Variants in PCDHA8 observed in about 807,000 individuals in gnomAD.
PCDHA8 encodes the protein protocadherin alpha-8.
In PCDHA8, 53 loss-of-function variants were observed where a neutral mutation model predicts 61.8. The ratio of observed to expected loss-of-function variants is 0.86; its 90% CI spans 0.69 to 1.08. PCDHA8 has a LOEUF of 1.08. PCDHA8 is among the 50% of genes least tolerant of loss of function. The pLI is 0.00. For missense variants in PCDHA8, 1,293 were observed against 1,245.0 expected, an observed-to-expected ratio of 1.04 and a Z score of -0.58; for synonymous variants, 618 against 556.6, an observed-to-expected ratio of 1.11 and a Z score of -1.55.
chr5:140,973,390 AATC>A (rs1554235235), intron 1 of PCDHA8, among the ~76,000 whole-genome samples: 1 of 152,224 alleles, frequency 6.6e-6, no homozygotes, highest in East Asian at 1.9e-4. Context: ...TAGACAAAGA[AATC>A]ATATCTATGA....
chr5:140,846,457 C>T lies in PCDHA8; in HGVS notation c.2394+2742C>T, dbSNP rs111351744. Among the ~76,000 whole-genome samples the T allele has an allele frequency of 5.2e-3, 745 of 144,004 alleles. 43 individuals carry two copies. The highest frequency in any genetic ancestry group is 0.018 in the African/African-American group (687 of 39,152). 94.5% of individuals were successfully genotyped at this position (144,004 alleles called of 152,430 possible). On this transcript the variant is annotated intron_variant, in intron 1 of 3. Coordinates refer to ENST00000531613, the MANE Select transcript of PCDHA8 (RefSeq NM_018911.3). ...TGGCGCAATCTCGGCTCACTGCAAC[C>T]TCTGCCTCCCGGGTTCAAATGATTC...
intron 1 of PCDHA8, among the ~76,000 whole-genome samples, chr5:140,878,960 A>G (rs1028687741): frequency 6.6e-6 from 1 of 152,322 alleles, no homozygotes; most frequent in African/African-American, 2.4e-5. Context: ...GAAATGTATT[A>G]CCTGGACATT....
chr5:140,989,685 A>G (rs1393246206), intron 3 of PCDHA8, among the ~76,000 whole-genome samples: 2 of 152,186 alleles, frequency 1.3e-5, no homozygotes, highest in Non-Finnish European at 2.9e-5. Context: ...TTTCAAAGGA[A>G]CGTGAAAATT....
At chr5:141,001,975 G>C (rs900969211) in intron 3 of PCDHA8, among the ~76,000 whole-genome samples, 8 of 152,184 alleles carry the variant, frequency 5.3e-5, no homozygotes, top group African/African-American at 1.9e-4. Flanking sequence ...GTCTCTGCGC[G>C]GAAAGCCTGG....
intron 1 of PCDHA8, among the ~76,000 whole-genome samples, chr5:140,846,785 T>C (rs1780675366): frequency 6.7e-6 from 1 of 149,494 alleles, no homozygotes; most frequent in South Asian, 2.1e-4. Flanking sequence ...GAATTATTAC[T>C]GAGCCCCAGC....
chr5:141,007,275 T>C (rs1418814264), intron 3 of PCDHA8, among the ~76,000 whole-genome samples: 2 of 151,338 alleles, frequency 1.3e-5, no homozygotes, highest in Non-Finnish European at 2.9e-5. Context: ...ACAGGCTGGG[T>C]GCAGTGGGCT....
chr5:140,900,438 C>T (rs573115268), intron 1 of PCDHA8, among the ~76,000 whole-genome samples: 21 of 152,234 alleles, frequency 1.4e-4, no homozygotes, highest in South Asian at 8.3e-4. Flanking sequence ...CCACCACGGC[C>T]GGCTAATTTT....
At position 140,949,239 on chromosome 5, in the gene PCDHA8, C is replaced by T. The variant is rs563720988; in HGVS notation, c.2395-29710C>T. 4.0e-5 allele frequency among the ~76,000 whole-genome samples: 6 copies of T among 151,886 alleles called. No individual in the cohort carries two copies. The East Asian group carries it at 1.2e-3, about 29-fold the overall frequency. On this transcript the variant is annotated intron_variant, in intron 1 of 3. Transcript: ENST00000531613. ...TTAGACTTGTTCTGTGGCCCAGCAA[C>T]AGTCTATCTTGATGAACATATCACG...
intron 1 of PCDHA8, among the ~76,000 whole-genome samples, chr5:140,920,124 G>A (rs1261931835): frequency 2.6e-5 from 4 of 152,152 alleles, no homozygotes; most frequent in African/African-American, 4.8e-5. Flanking sequence ...AACATCTTGA[G>A]TTTTAATTCT....
intron 3 of PCDHA8, among the ~76,000 whole-genome samples, chr5:140,986,846 A>G (rs782028314): frequency 6.6e-6 from 1 of 152,200 alleles, no homozygotes; most frequent in Non-Finnish European, 1.5e-5. Flanking sequence ...AAGGGGCAGC[A>G]ACACCAACAA....
chr5:140,992,369 A>G (rs1554252849), intron 3 of PCDHA8, among the ~76,000 whole-genome samples: 1 of 152,188 alleles, frequency 6.6e-6, no homozygotes, highest in Non-Finnish European at 1.5e-5. Context: ...AATGGTTCCC[A>G]TTACATTATT....
chr5:140,878,927 A>G (rs1176306554), intron 1 of PCDHA8, among the ~76,000 whole-genome samples: 1 of 152,216 alleles, frequency 6.6e-6, no homozygotes, highest in African/African-American at 2.4e-5. Context: ...TCAATCAATA[A>G]TTTTAAATAA....
intron 1 of PCDHA8, among the ~76,000 whole-genome samples, chr5:140,938,918 A>T (rs2092265154): frequency 6.6e-6 from 1 of 152,006 alleles, no homozygotes; most frequent in Non-Finnish European, 1.5e-5. Flanking sequence ...CACGCACAAG[A>T]AATTGGCTTT....
At position 140,985,395 on chromosome 5, in the gene PCDHA8, C is replaced by G. The variant is rs377641758; in HGVS notation, c.2542+2832C>G. 2.6e-5 allele frequency among the ~76,000 whole-genome samples: 4 copies of G among 152,302 alleles called. No individual in the cohort carries two copies. The East Asian group carries it at 7.7e-4, about 29-fold the overall frequency. On this transcript the variant is annotated intron_variant, in intron 3 of 3. Coordinates refer to ENST00000531613, the MANE Select transcript of PCDHA8 (RefSeq NM_018911.3). ...GGTCTATATAATCCAGTCACCCCAACTGTTCCCCTGGAAATGGAGTGAGGA... is the reference window on the plus strand; with the variant it reads ...GGTCTATATAATCCAGTCACCCCAAGTGTTCCCCTGGAAATGGAGTGAGGA...
At chr5:140,849,614 T>C (rs2040994208) in intron 1 of PCDHA8, 1 of 1,598,700 alleles carries the variant, frequency 6.3e-7, no homozygotes, top group East Asian at 2.2e-5. Flanking sequence ...CCCTGATTAG[T>C]GTGATCGACC....
At position 140,877,641 on chromosome 5, in the gene PCDHA8, C is replaced by G. The variant is rs548787462; in HGVS notation, c.2394+33926C>G. ...TGCTGCTGTACACTGCGCTGCGTTG[C>G]TCAGCGCCGCCCACCGTGAGCCGGT... On this transcript the variant is annotated intron_variant, in intron 1 of 3. Transcript: ENST00000531613. 6.2e-6 allele frequency: 10 copies of G among 1,613,592 alleles called. 1 individual carries two copies. In the South Asian group the frequency reaches 9.9e-5, roughly 16 times the overall value.
chr5:140,919,558 TAA>T (rs879969388), intron 1 of PCDHA8, among the ~76,000 whole-genome samples: 1 of 152,210 alleles, frequency 6.6e-6, no homozygotes, highest in Non-Finnish European at 1.5e-5. Flanking sequence ...TGATTTATAT[TAA>T]GTGAATATTT....
At chr5:140,901,927 A>C (rs2068986448) in intron 1 of PCDHA8, among the ~76,000 whole-genome samples, 1 of 151,764 alleles carries the variant, frequency 6.6e-6, no homozygotes. Context: ...TCTTTGGTTA[A>C]TTCCTAGGTA....
At chr5:140,899,574 C>T (rs890849786) in intron 1 of PCDHA8, among the ~76,000 whole-genome samples, 2 of 152,112 alleles carry the variant, frequency 1.3e-5, no homozygotes, top group African/African-American at 4.8e-5. Context: ...CTGCTGGATT[C>T]GGTTTGCCAG....
Sources: allele counts gnomAD v4.1 joint callset (sites outside exome capture counted in the v4.1 genomes callset), GRCh38; gene constraint gnomAD v4.1.1; transcripts MANE v1.5; gene names NCBI Gene and HGNC (gene_info 2026-07-23, HGNC 2026-07-21).